C19orf38: variants seen among roughly 807,000 people sequenced by gnomAD.
The protein encoded by C19orf38 is protein HIDE1.
A neutral mutation model predicts 26.6 loss-of-function variants in C19orf38; 14 were observed. The ratio of observed to expected loss-of-function variants is 0.53; its 90% CI spans 0.35 to 0.82. The LOEUF (loss-of-function observed/expected upper bound fraction) is 0.82. Ranked by LOEUF, C19orf38 falls within the 40% of genes least tolerant of loss-of-function variation. C19orf38 has a pLI of 0.01. For synonymous variants in C19orf38, 132 were observed against 128.5 expected, an observed-to-expected ratio of 1.03 and a Z score of -0.18; for missense variants, 261 against 299.5, an observed-to-expected ratio of 0.87 and a Z score of 0.95.
chr19:10,851,746 A>G (rs917334026), intron 2 of C19orf38, among the ~76,000 whole-genome samples: 13 of 151,854 alleles, frequency 8.6e-5, no homozygotes, highest in Admixed American at 2.0e-4. Context: ...AGGCGGGTGG[A>G]TCATGAGGTC....
intron 6 of C19orf38, among the ~76,000 whole-genome samples, chr19:10,866,927 C>G (rs2073757416): frequency 6.6e-6 from 1 of 152,036 alleles, no homozygotes; most frequent in African/African-American, 2.4e-5. Context: ...AAGCATGAGC[C>G]ACTGCACCCA....
chr19:10,844,671 T>C (rs1226588024), upstream of C19orf38, among the ~76,000 whole-genome samples: 3 of 149,484 alleles, frequency 2.0e-5, no homozygotes, highest in Non-Finnish European at 3.0e-5. Flanking sequence ...CACAGTGAAA[T>C]CCCGTCTCTA....
At chr19:10,856,004 C>T (rs1162687625) in intron 2 of C19orf38, among the ~76,000 whole-genome samples, 1 of 152,110 alleles carries the variant, frequency 6.6e-6, no homozygotes, top group Non-Finnish European at 1.5e-5. Context: ...GAGGAGTAAA[C>T]CTCTTTTCCC....
intron 2 of C19orf38, among the ~76,000 whole-genome samples, chr19:10,854,316 G>A (rs991293433): frequency 7.9e-5 from 12 of 151,606 alleles, no homozygotes; most frequent in African/African-American, 2.4e-4. Context: ...CGCCCACATC[G>A]GCCTCCCAAA....
intron 2 of C19orf38, among the ~76,000 whole-genome samples, chr19:10,852,515 G>A (rs953651349): frequency 1.3e-5 from 2 of 152,222 alleles, no homozygotes; most frequent in Non-Finnish European, 2.9e-5. Flanking sequence ...GTAGAGTAGG[G>A]CAATCAGGGA....
chr19:10,855,030 C>CTTTTTTTTTTTTTTTTTTTTT (rs33999724), intron 2 of C19orf38, among the ~76,000 whole-genome samples: 1 of 77,754 alleles, frequency 1.3e-5, no homozygotes, highest in Non-Finnish European at 2.4e-5. Context: ...GATATATATT[C>CTTTTTTTTTTTTTTTTTTTTT]TTTTTTTTTT....
At chr19:10,851,199 G>A (rs550743028) in intron 2 of C19orf38, among the ~76,000 whole-genome samples, 3 of 152,206 alleles carry the variant, frequency 2.0e-5, no homozygotes, top group South Asian at 2.1e-4. Flanking sequence ...GATTACAGGT[G>A]TGTGCCACCA....
chr19:10,853,060 A>T (rs1253823908), intron 2 of C19orf38, among the ~76,000 whole-genome samples: 1 of 151,838 alleles, frequency 6.6e-6, no homozygotes, highest in Non-Finnish European at 1.5e-5. Flanking sequence ...AAAAAAAAAA[A>T]AATTATTTTA....
intron 1 of C19orf38, among the ~76,000 whole-genome samples, chr19:10,843,146 C>T (rs563693777): frequency 3.9e-5 from 6 of 152,138 alleles, no homozygotes; most frequent in African/African-American, 1.2e-4. Flanking sequence ...AAGGTTAAAG[C>T]GAAGACACCA....
At chr19:10,838,683 T>A (rs2073456369) in intron 1 of C19orf38, among the ~76,000 whole-genome samples, 1 of 152,148 alleles carries the variant, frequency 6.6e-6, no homozygotes, top group Admixed American at 6.6e-5. Context: ...TATAGCTCTC[T>A]GCTACAGAGA....
intron 1 of C19orf38, among the ~76,000 whole-genome samples, chr19:10,838,453 G>A (rs2073453536): frequency 6.6e-6 from 1 of 152,126 alleles, no homozygotes; most frequent in Non-Finnish European, 1.5e-5. Flanking sequence ...ACAATTCAGT[G>A]GCATTTAGTA....
At chr19:10,856,456 G>GTTCAGTAA in intron 3 of C19orf38, 99 bp downstream of exon 3, 4 of 927,382 alleles carry the variant, frequency 4.3e-6, no homozygotes, top group Non-Finnish European at 6.6e-6. Flanking sequence ...TTGTTTTCAG[G>GTTCAGTAA]TTCAGTAATT....
intron 1 of C19orf38, chr19:10,842,000 A>T: frequency 6.2e-7 from 1 of 1,610,774 alleles, no homozygotes; most frequent in Non-Finnish European, 8.5e-7. Flanking sequence ...AAGGAAGCCA[A>T]CATCCTTTTG....
chr19:10,860,851 AAAAAAAG>A (rs1164515416), intron 5 of C19orf38, among the ~76,000 whole-genome samples: 1 of 143,662 alleles, frequency 7.0e-6, no homozygotes. Flanking sequence ...AAAAAAAAAA[AAAAAAAG>A]AAAGGGCCAG....
chr19:10,845,766 C>T (rs1399461656), upstream of C19orf38, among the ~76,000 whole-genome samples: 1 of 151,522 alleles, frequency 6.6e-6, no homozygotes, highest in Admixed American at 6.6e-5. Flanking sequence ...GTAGTCCCAG[C>T]TACTCAGGAG....
chr19:10,855,364 G>T (rs1021304957), intron 2 of C19orf38, among the ~76,000 whole-genome samples: 4 of 151,666 alleles, frequency 2.6e-5, no homozygotes, highest in East Asian at 2.0e-4. Context: ...TTCAGATGGG[G>T]TCTCTCTGTG....
intron 6 of C19orf38, among the ~76,000 whole-genome samples, chr19:10,864,936 G>A (rs1451259676): frequency 6.6e-6 from 1 of 152,136 alleles, no homozygotes; most frequent in Non-Finnish European, 1.5e-5. Flanking sequence ...TCTAGAGATA[G>A]ACTAGGAGTG....
At chr19:10,862,147 G>T (rs1008715036) in intron 5 of C19orf38, among the ~76,000 whole-genome samples, 2 of 148,726 alleles carry the variant, frequency 1.3e-5, no homozygotes, top group Non-Finnish European at 3.0e-5. Context: ...TGATCTGCCC[G>T]CCTCAGCCTC....
At chr19:10,843,537 A>G (rs1301725673), upstream of C19orf38, among the ~76,000 whole-genome samples, 2 of 152,238 alleles carry the variant, frequency 1.3e-5, no homozygotes, top group Admixed American at 1.3e-4. Flanking sequence ...CCTTGAGGAC[A>G]GGAGCCATTT....
Sources: allele counts gnomAD v4.1 joint callset (sites outside exome capture counted in the v4.1 genomes callset), GRCh38; gene constraint gnomAD v4.1.1; transcripts MANE v1.5; gene names NCBI Gene and HGNC (gene_info 2026-07-23, HGNC 2026-07-21).